OGDH: variants seen among roughly 807,000 people sequenced by gnomAD.
OGDH encodes 2-oxoglutarate dehydrogenase complex component E1.
In OGDH, 38 loss-of-function variants were observed where a neutral mutation model predicts 116.6. The ratio of observed to expected loss-of-function variants is 0.33; its 90% confidence interval spans 0.25 to 0.43. OGDH has a LOEUF of 0.43. Ranked by LOEUF, OGDH falls within the 20% of genes least tolerant of loss-of-function variation. The pLI is 1.00. For missense variants in OGDH, 825 were observed against 1,357.2 expected, an observed-to-expected ratio of 0.61 and a Z score of 6.16; for synonymous variants, 488 against 533.3, an observed-to-expected ratio of 0.92 and a Z score of 1.17.
At chr7:44,635,782 G>A (rs1785642042) in intron 2 of OGDH, among the ~76,000 whole-genome samples, 1 of 151,284 alleles carries the variant, frequency 6.6e-6, no homozygotes, top group South Asian at 2.1e-4. Context: ...TCGGCCCACT[G>A]CAACCTCCGA....
At chr7:44,656,308 T>C in intron 4 of OGDH, 1 of 1,535,976 alleles carries the variant, frequency 6.5e-7, no homozygotes, top group Non-Finnish European at 8.7e-7. Context: ...TACCCCACTC[T>C]GCCTCTCAGA....
chr7:44,669,185 C>T (rs370051649), intron 5 of OGDH, among the ~76,000 whole-genome samples: 3 of 109,616 alleles, frequency 2.7e-5, no homozygotes, highest in African/African-American at 1.4e-4. Flanking sequence ...CAGGGTCTCA[C>T]TCTGTCACCC....
chr7:44,630,234 T>C (rs1347404007), intron 2 of OGDH, among the ~76,000 whole-genome samples: 1 of 152,236 alleles, frequency 6.6e-6, no homozygotes, highest in Non-Finnish European at 1.5e-5. Flanking sequence ...CATGGTTGTG[T>C]CCTGGCCTGG....
At chr7:44,631,494 A>G (rs1275425253) in intron 2 of OGDH, among the ~76,000 whole-genome samples, 1 of 152,218 alleles carries the variant, frequency 6.6e-6, no homozygotes, top group Non-Finnish European at 1.5e-5. Flanking sequence ...GTTAAGAGCA[A>G]TCTCAGCACT....
chr7:44,700,544 G>C (rs372388226), intron 19 of OGDH, among the ~76,000 whole-genome samples: 2 of 152,338 alleles, frequency 1.3e-5, no homozygotes, highest in African/African-American at 4.8e-5. Flanking sequence ...CCCCAGCCCG[G>C]TGGGGAGGAC....
At chr7:44,665,140 C>T (rs1420239900) in intron 4 of OGDH, among the ~76,000 whole-genome samples, 1 of 152,080 alleles carries the variant, frequency 6.6e-6, no homozygotes, top group Non-Finnish European at 1.5e-5. Context: ...AGGGCAATTG[C>T]CCAAAAGCCA....
At chr7:44,665,733 T>C (rs1470895321) in intron 4 of OGDH, among the ~76,000 whole-genome samples, 1 of 152,150 alleles carries the variant, frequency 6.6e-6, no homozygotes, top group Non-Finnish European at 1.5e-5. Flanking sequence ...CCTGAGAAAA[T>C]GCTGATGTAA....
intron 5 of OGDH, among the ~76,000 whole-genome samples, chr7:44,672,106 C>A (rs1335923986): frequency 2.0e-5 from 3 of 151,710 alleles, no homozygotes; most frequent in African/African-American, 7.3e-5. Context: ...AAAAAAAAAA[C>A]CTTAAATACT....
intron 10 of OGDH, among the ~76,000 whole-genome samples, chr7:44,687,689 C>T (rs1788192312): frequency 6.6e-6 from 1 of 151,962 alleles, no homozygotes; most frequent in Admixed American, 6.6e-5. Flanking sequence ...TCCCAAAGTG[C>T]TTGGGATTAC....
intron 10 of OGDH, among the ~76,000 whole-genome samples, chr7:44,684,796 A>AT (rs113061795): frequency 0.015 from 2,195 of 147,408 alleles, 59 homozygotes; most frequent in African/African-American, 0.049. Flanking sequence ...GTTTTTTTCT[A>AT]TTTTTTTTTT....
intron 2 of OGDH, among the ~76,000 whole-genome samples, chr7:44,626,375 A>G (rs1229482682): frequency 6.6e-6 from 1 of 151,352 alleles, no homozygotes; most frequent in Non-Finnish European, 1.5e-5. Flanking sequence ...ACACCTGCAG[A>G]TTATATCTAG....
intron 1 of OGDH, among the ~76,000 whole-genome samples, chr7:44,616,683 A>G (rs921205772): frequency 6.8e-6 from 1 of 147,466 alleles, no homozygotes; most frequent in Non-Finnish European, 1.5e-5. Flanking sequence ...ATATATACAC[A>G]TATGTATATG....
chr7:44,652,221 G>A (rs1187166893), intron 4 of OGDH, among the ~76,000 whole-genome samples: 2 of 151,736 alleles, frequency 1.3e-5, no homozygotes, highest in Non-Finnish European at 2.9e-5. Flanking sequence ...CAATTCTCCT[G>A]CCTCAGCCTC....
At chr7:44,608,788 C>G (rs1784452821) in intron 1 of OGDH, among the ~76,000 whole-genome samples, 1 of 151,818 alleles carries the variant, frequency 6.6e-6, no homozygotes, top group African/African-American at 2.4e-5. Context: ...TTTTTGAGAT[C>G]ATTGTACAAA....
At chr7:44,649,921 T>C (rs939020128) in intron 4 of OGDH, among the ~76,000 whole-genome samples, 19 of 152,142 alleles carry the variant, frequency 1.2e-4, no homozygotes, top group African/African-American at 3.9e-4. Context: ...AACAACATCA[T>C]GGTGAGGGTG....
Position 44,695,072 on chromosome 7 carries a change from A to C in OGDH, c.1668+496A>C, listed in dbSNP as rs79009765. Among the ~76,000 whole-genome samples, 161 of 152,040 alleles carry C rather than the reference A, an allele frequency of 1.1e-3. 1 individual carries two copies. In the East Asian group the frequency reaches 0.029, roughly 28 times the overall value. Reference sequence around the variant, plus strand: ...AGCCTGTAGCCTATGCTGGAGACAGAGCTTTGTGAACCAGTTTTTTTTTTG... The same window carrying C: ...AGCCTGTAGCCTATGCTGGAGACAGCGCTTTGTGAACCAGTTTTTTTTTTG... On this transcript the variant is annotated intron_variant, in intron 12 of 22. Coordinates refer to ENST00000222673, the MANE Select transcript of OGDH (RefSeq NM_002541.4).
rs755767260 is a variant in OGDH, at chr7:44,624,310, T to TG, written c.-27-6dup. The stretch of plus-strand genomic sequence containing the variant: ...TTTCTTGTTTTTTTTTTTTTTTTTT[T>TG]GTACAGGCAGTTGTGAAAAACTTCA... On this transcript the variant is annotated splice_region_variant and splice_polypyrimidine_tract_variant and intron_variant, in intron 1 of 22. Coordinates refer to ENST00000222673, the MANE Select transcript of OGDH (RefSeq NM_002541.4). The TG allele has an allele frequency of 9.1e-7, 1 of 1,102,340 alleles. No homozygotes were observed. The highest frequency in any genetic ancestry group is 1.2e-6 in the Non-Finnish European group (1 of 812,452). The allele number at this position is 1,102,340 out of a possible 1,614,324, so 68.3% of individuals were successfully genotyped here. A position where few individuals can be genotyped will look rare whatever the true frequency, so the allele number is the denominator to read the frequency against.
At chr7:44,691,687 C>G (rs1199105319) in intron 10 of OGDH, among the ~76,000 whole-genome samples, 1 of 151,792 alleles carries the variant, frequency 6.6e-6, no homozygotes, top group Non-Finnish European at 1.5e-5. Context: ...GATTAATATC[C>G]TAGGGAATGG....
chr7:44,648,391 CCCT>C (rs1263503036), intron 4 of OGDH, among the ~76,000 whole-genome samples: 2 of 152,202 alleles, frequency 1.3e-5, no homozygotes, highest in African/African-American at 4.8e-5. Flanking sequence ...CACCTACACC[CCCT>C]CCTCCTCATG....
Sources: allele counts gnomAD v4.1 joint callset (sites outside exome capture counted in the v4.1 genomes callset), GRCh38; gene constraint gnomAD v4.1.1; transcripts MANE v1.5; gene names NCBI Gene and HGNC (gene_info 2026-07-23, HGNC 2026-07-21).